Variants in CPLX4 observed in about 807,000 individuals in gnomAD.
CPLX4 encodes the protein complexin 4.
In CPLX4, 17 loss-of-function variants were observed where a neutral mutation model predicts 16.1. The observed-to-expected ratio is 1.06, with a 90% CI of 0.72 to 1.59. The LOEUF is 1.59. Ranked by LOEUF, CPLX4 falls within the 40% of genes most tolerant of loss-of-function variation. CPLX4 has a pLI of 0.00. For synonymous variants in CPLX4, 55 were observed against 57.8 expected, an observed-to-expected ratio of 0.95 and a Z score of 0.22; for missense variants, 193 against 192.9, an observed-to-expected ratio of 1.00 and a Z score of 0.00.
At chr18:59,300,653 G>C (rs1422436088) in intron 2 of CPLX4, among the ~76,000 whole-genome samples, 1 of 152,192 alleles carries the variant, frequency 6.6e-6, no homozygotes, top group African/African-American at 2.4e-5. Flanking sequence ...GCTGTGGAAG[G>C]TTAATTAGAT....
chr18:59,300,913 T>C (rs2070536299), intron 2 of CPLX4, among the ~76,000 whole-genome samples: 1 of 152,170 alleles, frequency 6.6e-6, no homozygotes, highest in South Asian at 2.1e-4. Flanking sequence ...GGCTCTCTAT[T>C]CTAGGAGAAA....
At chr18:59,307,470 G>A (rs377594580) in intron 2 of CPLX4, among the ~76,000 whole-genome samples, 2 of 152,180 alleles carry the variant, frequency 1.3e-5, no homozygotes, top group South Asian at 4.1e-4. Flanking sequence ...GGACTTATAA[G>A]GACTTGGGAA....
At chr18:59,308,541 C>CTT (rs372511937) in intron 2 of CPLX4, among the ~76,000 whole-genome samples, 4,131 of 119,360 alleles carry the variant, frequency 0.035, 277 homozygotes, top group East Asian at 0.24. Flanking sequence ...CCTATCAAGA[C>CTT]TTTTTTTTTT....
intron 2 of CPLX4, 84 bp from the exon 3 acceptor site, chr18:59,297,009 A>T: frequency 6.6e-7 from 1 of 1,506,854 alleles, no homozygotes; most frequent in Non-Finnish European, 8.8e-7. Flanking sequence ...CAGCAGGAAA[A>T]GGTCTTTAGA....
At chr18:59,308,917 G>A (rs2070596902) in intron 2 of CPLX4, among the ~76,000 whole-genome samples, 1 of 152,368 alleles carries the variant, frequency 6.6e-6, no homozygotes, top group South Asian at 2.1e-4. Context: ...AGCGCGGGAG[G>A]CAGAGGAGGC....
intron 2 of CPLX4, among the ~76,000 whole-genome samples, chr18:59,309,765 G>C (rs2070602868): frequency 6.8e-6 from 1 of 147,264 alleles, no homozygotes; most frequent in East Asian, 2.0e-4. Context: ...AGAGCTTGCA[G>C]TGAGGGGAGA....
chr18:59,298,960 G>C (rs568401520), intron 2 of CPLX4, among the ~76,000 whole-genome samples: 105 of 152,192 alleles, frequency 6.9e-4, no homozygotes, highest in Non-Finnish European at 1.2e-3. Flanking sequence ...CTGATTTTGG[G>C]AAGGACAGTC....
chr18:59,314,846 T>C (rs2070641944), intron 1 of CPLX4, among the ~76,000 whole-genome samples: 2 of 152,248 alleles, frequency 1.3e-5, no homozygotes, highest in African/African-American at 4.8e-5. Flanking sequence ...CTGGTTCCTT[T>C]TTATTGCTGA....
rs1181191231 is a variant in CPLX4, at chr18:59,295,798, A to G, written c.*900T>C. The G allele has an allele frequency of 6.7e-6, 1 of 149,572 alleles. No individual in the cohort carries two copies. The allele number at this position is 149,572 out of a possible 1,614,324, so 9.3% of individuals were successfully genotyped here. On this transcript the variant is annotated 3_prime_UTR_variant, in exon 3 of 3. Coordinates refer to ENST00000299721, the MANE Select transcript of CPLX4 (RefSeq NM_181654.4). ...GTGGGATGGGAAGGGACAGGAGAAG[A>G]AAAAAAAAAGAGAGATAGGGAGAGA...
chr18:59,307,226 A>G (rs9962503), intron 2 of CPLX4, among the ~76,000 whole-genome samples: 5,636 of 152,276 alleles, frequency 0.037, 338 homozygotes, highest in African/African-American at 0.13. Flanking sequence ...CCCTACATTT[A>G]CATGATCCTT....
chr18:59,312,012 G>A (rs577320832), intron 2 of CPLX4, among the ~76,000 whole-genome samples: 10 of 152,280 alleles, frequency 6.6e-5, no homozygotes, highest in South Asian at 2.1e-4. Flanking sequence ...AATCAGGACC[G>A]TGGGCTCTAT....
At chr18:59,309,562 G>A (rs1461237935) in intron 2 of CPLX4, among the ~76,000 whole-genome samples, 1 of 152,112 alleles carries the variant, frequency 6.6e-6, no homozygotes, top group Non-Finnish European at 1.5e-5. Flanking sequence ...AGTGGCTCAC[G>A]CCTATAATCC....
At chr18:59,317,752 C>T (rs879656968) in intron 1 of CPLX4, among the ~76,000 whole-genome samples, 1 of 151,448 alleles carries the variant, frequency 6.6e-6, no homozygotes, top group Non-Finnish European at 1.5e-5. Flanking sequence ...ATTAAACAGT[C>T]CACAAATCCA....
intron 2 of CPLX4, among the ~76,000 whole-genome samples, chr18:59,304,819 C>T (rs1177472576): frequency 1.3e-5 from 2 of 152,168 alleles, no homozygotes; most frequent in Admixed American, 1.3e-4. Flanking sequence ...ATCTGCCCAC[C>T]TCGGCTTCCC....
intron 1 of CPLX4, among the ~76,000 whole-genome samples, chr18:59,318,027 C>A (rs1317734464): frequency 6.6e-6 from 1 of 152,038 alleles, no homozygotes; most frequent in Non-Finnish European, 1.5e-5. Flanking sequence ...CATGCCTAGA[C>A]CAGAAAGTGT....
At chr18:59,316,303 A>T (rs553200045) in intron 1 of CPLX4, among the ~76,000 whole-genome samples, 143 of 152,348 alleles carry the variant, frequency 9.4e-4, no homozygotes, top group African/African-American at 3.3e-3. Context: ...ATAAAAATGA[A>T]TGTGCATTAT....
chr18:59,307,036 T>G (rs2070581318), intron 2 of CPLX4, among the ~76,000 whole-genome samples: 1 of 152,204 alleles, frequency 6.6e-6, no homozygotes, highest in Admixed American at 6.5e-5. Context: ...TGACCCCTGC[T>G]TTCTGTCTTG....
Position 59,296,981 on chromosome 18 carries a change from CTAAA to C in CPLX4, c.256-60_256-57del, listed in dbSNP as rs1250036254. The stretch of plus-strand genomic sequence containing the variant: ...TAACTCTAAACTACTAACTCACTAA[CTAAA>C]TAAATTTTAAAAGCAGCAGGAAAAG... On this transcript the variant is annotated intron_variant, in intron 2 of 2. Coordinates refer to ENST00000299721, the MANE Select transcript of CPLX4 (RefSeq NM_181654.4). The C allele has an allele frequency of 2.6e-6, 4 of 1,557,960 alleles. No individual in the cohort carries two copies. The African/African-American group carries it at 5.6e-5, about 22-fold the overall frequency.
chr18:59,314,283 T>C (rs2070637726), intron 1 of CPLX4, among the ~76,000 whole-genome samples: 1 of 152,128 alleles, frequency 6.6e-6, no homozygotes, highest in African/African-American at 2.4e-5. Context: ...CTTCCAAACA[T>C]ACAGAAACGT....
Sources: gnomAD v4.1 joint callset for allele counts (sites outside exome capture counted in the v4.1 genomes callset) on GRCh38, gnomAD v4.1.1 for gene constraint, MANE v1.5 for transcripts, NCBI Gene and HGNC (gene_info 2026-07-23, HGNC 2026-07-21) for gene names.